CDKN2B-AS1: variants seen among roughly 807,000 people sequenced by gnomAD.
CDKN2B-AS1 encodes the protein CDKN2B and CDKN2A antisense cis and trans regulatory RNA 1.
chr9:22,067,561 C>G, intron 4 of CDKN2B-AS1, among the ~76,000 whole-genome samples: 1 of 151,450 alleles, frequency 6.6e-6, no homozygotes, highest in East Asian at 1.9e-4. Context: ...CACACGCACG[C>G]ACACACACAC....
At chr9:22,060,940 C>T (rs1407157863) in intron 4 of CDKN2B-AS1, among the ~76,000 whole-genome samples, 1 of 152,130 alleles carries the variant, frequency 6.6e-6, no homozygotes, top group East Asian at 1.9e-4. Context: ...CCCTGGATAC[C>T]TCCCACAAAA....
intron 4 of CDKN2B-AS1, among the ~76,000 whole-genome samples, chr9:22,123,509 G>A (rs771897634): frequency 2.0e-5 from 3 of 152,136 alleles, no homozygotes; most frequent in Non-Finnish European, 2.9e-5. Flanking sequence ...GGGGAGAAAT[G>A]TGTTTGCACC....
chr9:22,044,785 G>T (rs566062041), intron 1 of CDKN2B-AS1, among the ~76,000 whole-genome samples: 1 of 151,564 alleles, frequency 6.6e-6, no homozygotes, highest in African/African-American at 2.4e-5. Flanking sequence ...GAGTCAGTAA[G>T]AGAGGAAATG....
chr9:22,004,231 T>A (rs944719153), intron 1 of CDKN2B-AS1: 2 of 232,440 alleles, frequency 8.6e-6, no homozygotes, highest in African/African-American at 2.2e-5. Flanking sequence ...ATTTTGGGAA[T>A]AGGAATTGGT....
chr9:22,045,823 G>A (rs1364909900), intron 1 of CDKN2B-AS1, among the ~76,000 whole-genome samples: 2 of 152,092 alleles, frequency 1.3e-5, no homozygotes, highest in African/African-American at 2.4e-5. Flanking sequence ...AAAGTAAATT[G>A]TTCAAGATTG....
intron 4 of CDKN2B-AS1, among the ~76,000 whole-genome samples, chr9:22,096,168 T>G (rs1321118520): frequency 6.6e-6 from 1 of 152,144 alleles, no homozygotes; most frequent in East Asian, 1.9e-4. Flanking sequence ...GCTATACAAT[T>G]TTATTGTTAT....
At chr9:22,022,344 G>T (rs752299411) in intron 1 of CDKN2B-AS1, among the ~76,000 whole-genome samples, 8 of 151,540 alleles carry the variant, frequency 5.3e-5, no homozygotes, top group Admixed American at 1.3e-4. Flanking sequence ...TCCTGTGTTG[G>T]GTGTATATAT....
intron 4 of CDKN2B-AS1, among the ~76,000 whole-genome samples, chr9:22,073,331 T>A (rs1000320037): frequency 7.2e-5 from 11 of 152,214 alleles, no homozygotes; most frequent in African/African-American, 2.7e-4. Flanking sequence ...TATCTGAGCA[T>A]GTGTCCAACC....
At chr9:22,107,478 C>T (rs1245821523) in intron 4 of CDKN2B-AS1, among the ~76,000 whole-genome samples, 1 of 152,226 alleles carries the variant, frequency 6.6e-6, no homozygotes, top group Non-Finnish European at 1.5e-5. Context: ...CCACTTGAAA[C>T]TCTCAGATCT....
intron 1 of CDKN2B-AS1, chr9:22,004,266 A>G (rs1821060772): frequency 4.3e-6 from 1 of 232,412 alleles, no homozygotes; most frequent in South Asian, 1.8e-4. Context: ...TTGTGTATTC[A>G]ACTCAAATGT....
At chr9:22,071,285 C>CTTTTTTTT (rs71336509) in intron 4 of CDKN2B-AS1, among the ~76,000 whole-genome samples, 10 of 67,580 alleles carry the variant, frequency 1.5e-4, no homozygotes, top group African/African-American at 5.6e-4. Flanking sequence ...AAATATCTAG[C>CTTTTTTTT]TTTTTTTTTT....
intron 4 of CDKN2B-AS1, among the ~76,000 whole-genome samples, chr9:22,078,906 C>G (rs1824592467): frequency 6.6e-6 from 1 of 152,054 alleles, no homozygotes; most frequent in Non-Finnish European, 1.5e-5. Flanking sequence ...TCCCCATTGT[C>G]TGGTAAAATG....
intron 1 of CDKN2B-AS1, among the ~76,000 whole-genome samples, chr9:22,028,723 T>C (rs1335323585): frequency 6.6e-6 from 1 of 152,180 alleles, no homozygotes; most frequent in Non-Finnish European, 1.5e-5. Flanking sequence ...AGTATCAGAT[T>C]CATTTATAAA....
At chr9:22,096,434 G>T (rs1426855467) in intron 4 of CDKN2B-AS1, 1 of 152,096 alleles carries the variant, frequency 6.6e-6, no homozygotes, top group Non-Finnish European at 1.5e-5. Context: ...TTACAGCTTA[G>T]TGTGGAGACA....
chr9:22,018,519 TG>T (rs1821880086), intron 1 of CDKN2B-AS1, among the ~76,000 whole-genome samples: 1 of 151,254 alleles, frequency 6.6e-6, no homozygotes, highest in Admixed American at 6.6e-5. Flanking sequence ...TAGCTGGGCT[TG>T]GTGGTGGGCT....
At chr9:22,008,738 C>A in intron 1 of CDKN2B-AS1, 1 of 1,610,794 alleles carries the variant, frequency 6.2e-7, no homozygotes, top group Non-Finnish European at 8.5e-7. Context: ...CCCCGATCCG[C>A]CGAGGCCGCG....
intron 1 of CDKN2B-AS1, among the ~76,000 whole-genome samples, chr9:22,035,439 C>T (rs1467672001): frequency 6.6e-6 from 1 of 152,042 alleles, no homozygotes; most frequent in South Asian, 2.1e-4. Context: ...GTTGGGTAAT[C>T]GTGAATATGT....
intron 4 of CDKN2B-AS1, among the ~76,000 whole-genome samples, chr9:22,110,166 C>A (rs1291837160): frequency 6.6e-6 from 1 of 152,168 alleles, no homozygotes; most frequent in African/African-American, 2.4e-5. Context: ...ATTATTCTCT[C>A]TTCTAAGATA....
At chr9:22,090,061 A>C (rs529819142) in intron 4 of CDKN2B-AS1, among the ~76,000 whole-genome samples, 1 of 141,980 alleles carries the variant, frequency 7.0e-6, no homozygotes, top group Non-Finnish European at 1.5e-5. Flanking sequence ...CCCACCTATG[A>C]GTGAGAACAT....
Sources: gnomAD v4.1 joint callset for allele counts (sites outside exome capture counted in the v4.1 genomes callset) on GRCh38, gnomAD v4.1.1 for gene constraint, MANE v1.5 for transcripts, NCBI Gene and HGNC (gene_info 2026-07-23, HGNC 2026-07-21) for gene names.